The following DYNC2I1 variants were observed in gnomAD, a reference collection of about 807,000 sequenced individuals.
DYNC2I1 encodes the protein dynein 2 intermediate chain 1.
Under a neutral mutation model 133.4 loss-of-function variants are expected in DYNC2I1, and 89 were observed. The ratio of observed to expected loss-of-function variants is 0.67; its 90% CI spans 0.56 to 0.80. The LOEUF (loss-of-function observed/expected upper bound fraction) is 0.80. DYNC2I1 is among the 30% of genes least tolerant of loss of function. DYNC2I1 has a pLI of 0.00. For synonymous variants in DYNC2I1, 504 were observed against 484.3 expected (o/e 1.04, Z -0.54); for missense variants, 1,291 against 1,314.5 (o/e 0.98, Z 0.28).
chr7:158,889,193 G>T (rs986607126), intron 7 of DYNC2I1, among the ~76,000 whole-genome samples: 7 of 150,458 alleles, frequency 4.7e-5, no homozygotes, highest in African/African-American at 1.7e-4. Flanking sequence ...CCATTCTCCT[G>T]CCTCAGCCTC....
intron 18 of DYNC2I1, 50 bp from the exon 19 acceptor site, chr7:158,926,352 G>A (rs1462959235): frequency 1.9e-6 from 3 of 1,601,832 alleles, no homozygotes; most frequent in East Asian, 2.2e-5. Flanking sequence ...TGTGAAATAT[G>A]GTTTCCTTAT....
chr7:158,888,031 T>C (rs1403811444), intron 7 of DYNC2I1, among the ~76,000 whole-genome samples: 1 of 146,132 alleles, frequency 6.8e-6, no homozygotes. Context: ...TTTTTTTTTT[T>C]TTTTTTTTTT....
At chr7:158,933,379 C>T (rs1850419670) in intron 21 of DYNC2I1, among the ~76,000 whole-genome samples, 1 of 152,238 alleles carries the variant, frequency 6.6e-6, no homozygotes. Context: ...CTGTCTCAGA[C>T]CTTCTGAGCT....
intron 4 of DYNC2I1, among the ~76,000 whole-genome samples, chr7:158,878,563 C>A (rs566864817): frequency 1.0e-5 from 1 of 98,084 alleles, no homozygotes; most frequent in Non-Finnish European, 2.0e-5. Flanking sequence ...GAGTGTCGGG[C>A]GCCATGTGGG....
upstream of DYNC2I1, among the ~76,000 whole-genome samples, chr7:158,852,927 G>C (rs1462471802): frequency 1.3e-5 from 2 of 152,190 alleles, no homozygotes; most frequent in Admixed American, 6.5e-5. Context: ...AGCTCAGTCA[G>C]GTTTGTAACC....
At chr7:158,866,741 C>T (rs1234072420) in intron 1 of DYNC2I1, among the ~76,000 whole-genome samples, 2 of 151,942 alleles carry the variant, frequency 1.3e-5, no homozygotes, top group Admixed American at 6.6e-5. Context: ...GAAACTTAGC[C>T]GGGCGTGGTG....
In DYNC2I1 at chr7:158,927,171, G is replaced by A. The variant is rs1445573158; in HGVS notation, c.2485+128G>A. 6.3e-6 allele frequency: 4 copies of A among 636,922 alleles called. No homozygotes were observed. In the African/African-American group the frequency reaches 7.4e-5, roughly 12 times the overall value. 39.5% of individuals were successfully genotyped at this position (636,922 alleles called of 1,614,324 possible). ...AGCCTCAGCACGTTGGGAGGCTGAG[G>A]AAGGAGGATTGCTTGAGCCCAGGAG... On this transcript the variant is annotated intron_variant, in intron 20 of 24. Transcript: ENST00000407559.
At chr7:158,863,753 A>AG (rs1584946677) in intron 1 of DYNC2I1, among the ~76,000 whole-genome samples, 1 of 7,966 alleles carries the variant, frequency 1.3e-4, no homozygotes, top group Non-Finnish European at 2.1e-4. Flanking sequence ...GTGTGGGGGG[A>AG]AGGGGGACGT....
Position 158,905,838 on chromosome 7 carries a change from C to T in DYNC2I1, c.1358-151C>T, listed in dbSNP as rs1846746361. 7.9e-6 allele frequency: 5 copies of T among 634,406 alleles called. No homozygotes were observed. In the South Asian group the frequency reaches 1.2e-4, roughly 15 times the overall value. 39.3% of individuals were successfully genotyped at this position (634,406 alleles called of 1,614,324 possible). Reference sequence around the variant, plus strand: ...TAGATGAAATAATCAAGAGAGGTCTCTCAAATGCTTATGAAAGATGTTTGT... The same window carrying T: ...TAGATGAAATAATCAAGAGAGGTCTTTCAAATGCTTATGAAAGATGTTTGT... On this transcript the variant is annotated intron_variant, in intron 10 of 24. Transcript: ENST00000407559.
the DYNC2I1 span, among the ~76,000 whole-genome samples, chr7:158,843,617 A>G: frequency 1.3e-5 from 2 of 152,060 alleles, no homozygotes; most frequent in African/African-American, 4.8e-5. Flanking sequence ...GCTGGTCACA[A>G]ACTCCTGACC....
downstream of DYNC2I1, among the ~76,000 whole-genome samples, chr7:158,948,839 A>G (rs1006740440): frequency 2.0e-5 from 3 of 152,192 alleles, no homozygotes; most frequent in African/African-American, 7.2e-5. Context: ...TAAAAGCACA[A>G]GTAGGAAATT....
chr7:158,954,808 A>G (rs1008178508), intron 4 of DYNC2I1, among the ~76,000 whole-genome samples: 58 of 152,350 alleles, frequency 3.8e-4, no homozygotes, highest in African/African-American at 1.4e-3. Context: ...AAAGGTTTAT[A>G]CACATCAGGA....
chr7:158,906,877 A>G (rs532077037), intron 11 of DYNC2I1, among the ~76,000 whole-genome samples: 6 of 152,384 alleles, frequency 3.9e-5, no homozygotes, highest in African/African-American at 1.2e-4. Context: ...CATTAATAAT[A>G]AAAGTGGTTG....
the DYNC2I1 span, among the ~76,000 whole-genome samples, chr7:158,850,638 T>C: frequency 2.6e-5 from 4 of 152,236 alleles, no homozygotes; most frequent in East Asian, 1.9e-4. Flanking sequence ...CTCCACTTCA[T>C]AGCCCTCTGT....
At chr7:158,921,411 C>T (rs1327230987) in intron 15 of DYNC2I1, among the ~76,000 whole-genome samples, 1 of 152,106 alleles carries the variant, frequency 6.6e-6, no homozygotes, top group Non-Finnish European at 1.5e-5. Context: ...GTACACGTTC[C>T]TAAAAATCGC....
the DYNC2I1 span, among the ~76,000 whole-genome samples, chr7:158,850,784 C>CA: frequency 1.8e-4 from 27 of 151,824 alleles, no homozygotes; most frequent in African/African-American, 6.0e-4. Flanking sequence ...AATATGGTGC[C>CA]AAAAAAAGAG....
At chr7:158,853,802 T>C (rs1841108183), upstream of DYNC2I1, among the ~76,000 whole-genome samples, 1 of 151,764 alleles carries the variant, frequency 6.6e-6, no homozygotes, top group African/African-American at 2.4e-5. Context: ...TACAGGCATG[T>C]ACCACCACAC....
Position 158,922,379 on chromosome 7 carries a change from C to G in DYNC2I1, c.1924C>G (p.Arg642Gly), listed in dbSNP as rs752109819. The G allele has an allele frequency of 6.2e-7, 1 of 1,612,550 alleles. No individual in the cohort carries two copies. ...LNTSLPFLQNRKVSSLHTSRV... is the reference protein window; with the variant it reads ...LNTSLPFLQNGKVSSLHTSRV... ...GAACATATTTTTCTTCTCCCTAGAT[C>G]GAAAAGTATCCTCCTTGCACACCTC... The change falls in exon 16 of 25, where the codon CGA becomes GGA. Residue 642 changes from arginine (R) to glycine (G), a missense_variant and splice_region_variant. Physicochemically the swap from Arg to Gly is moderately radical, Grantham distance 125 (BLOSUM62 -2). Transcript: ENST00000407559.
At chr7:158,857,376 C>G (rs1841372351) in intron 1 of DYNC2I1, among the ~76,000 whole-genome samples, 1 of 152,112 alleles carries the variant, frequency 6.6e-6, no homozygotes, top group African/African-American at 2.4e-5. Context: ...TTAGATATTA[C>G]TGTATTATTC....
Sources: allele counts gnomAD v4.1 joint callset (sites outside exome capture counted in the v4.1 genomes callset), GRCh38; gene constraint gnomAD v4.1.1; transcripts MANE v1.5; gene names NCBI Gene and HGNC (gene_info 2026-07-23, HGNC 2026-07-21).